The following ST3GAL5 variants were observed in gnomAD, a reference collection of about 807,000 sequenced individuals.
ST3GAL5 encodes the protein lactosylceramide alpha-2,3-sialyltransferase.
A neutral mutation model predicts 46.1 loss-of-function variants in ST3GAL5; 25 were observed. The observed-to-expected ratio is 0.54, with a 90% CI of 0.40 to 0.76. ST3GAL5 has a LOEUF of 0.76. Among genes scored for constraint, ST3GAL5 ranks in the 30% least tolerant of loss-of-function variants. The pLI is 0.00. For synonymous variants in ST3GAL5, 182 were observed against 192.7 expected, an observed-to-expected ratio of 0.94 and a Z score of 0.46; for missense variants, 431 against 521.2, an observed-to-expected ratio of 0.83 and a Z score of 1.69.
In ST3GAL5 at chr2:85,863,495, G is replaced by C. The variant is rs774128741; in HGVS notation, c.83-10C>G. 1 of 1,614,036 alleles carries C rather than the reference G, an allele frequency of 6.2e-7. No individual in the cohort carries two copies. Among genetic ancestry groups the C allele is most frequent in the African/African-American group, 1.3e-5 (1 of 74,918 alleles). ...TACTCACTTGGCATTGCTGTGAAGAGAGGCGAAGAGGGCAGTGGGGAAAAA... is the reference window on the plus strand; with the variant it reads ...TACTCACTTGGCATTGCTGTGAAGACAGGCGAAGAGGGCAGTGGGGAAAAA... On this transcript the variant is annotated splice_polypyrimidine_tract_variant and intron_variant, in intron 1 of 6. Coordinates refer to ENST00000638572, the MANE Select transcript of ST3GAL5 (RefSeq NM_003896.4).
At chr2:85,861,327 C>A in intron 2 of ST3GAL5, 35 bp from the exon 3 acceptor site, 1 of 1,340,546 alleles carries the variant, frequency 7.5e-7, no homozygotes, top group South Asian at 1.2e-5. Flanking sequence ...ATGATGTAGT[C>A]ATGTGAGAAT....
chr2:85,889,003 T>G, upstream of ST3GAL5: 3 of 941,808 alleles, frequency 3.2e-6, no homozygotes, highest in Non-Finnish European at 4.1e-6. Flanking sequence ...GGGCCGCCGC[T>G]CCCCCGCTCA....
At chr2:85,851,545 C>T in intron 3 of ST3GAL5, 1 of 1,289,354 alleles carries the variant, frequency 7.8e-7, no homozygotes, top group African/African-American at 1.5e-5. Context: ...GGTGCACAAC[C>T]AGACATCATT....
At chr2:85,867,734 C>T in intron 1 of ST3GAL5, 2 of 753,352 alleles carry the variant, frequency 2.7e-6, no homozygotes, top group Non-Finnish European at 5.0e-6. Context: ...ACATTGACAT[C>T]CAACCCTCAG....
intron 1 of ST3GAL5, among the ~76,000 whole-genome samples, chr2:85,875,848 C>T (rs1444134086): frequency 6.6e-6 from 1 of 152,030 alleles, no homozygotes; most frequent in East Asian, 1.9e-4. Flanking sequence ...CTCCTCTTTG[C>T]GAATTCTTAT....
intron 1 of ST3GAL5, chr2:85,867,583 G>C (rs771937979): frequency 2.6e-6 from 2 of 780,986 alleles, no homozygotes; most frequent in South Asian, 2.7e-5. Flanking sequence ...TTCTCAGAAA[G>C]AAACGTGTGA....
intron 1 of ST3GAL5, chr2:85,866,296 G>A (rs1336780744): frequency 6.6e-6 from 1 of 152,186 alleles, no homozygotes; most frequent in East Asian, 1.9e-4. Context: ...AGGTCAACCA[G>A]ACTTTCATTC....
rs1311405694 is a variant in ST3GAL5, at chr2:85,837,572, A to G, written c.*2572T>C. 8 of 152,250 alleles carry G rather than the reference A, an allele frequency of 5.3e-5. No homozygotes were observed. Among genetic ancestry groups the G allele is most frequent in the Non-Finnish European group, 1.2e-4 (8 of 68,024 alleles). The allele number at this position is 152,250 out of a possible 1,614,324, so 9.4% of individuals were successfully genotyped here. A position where few individuals can be genotyped will look rare whatever the true frequency, so the allele number is the denominator to read the frequency against. ...TTACTGTGTATTTCAAAATCACTAG[A>G]ATAATTCAAATGTTTCTACCATAAA... On this transcript the variant is annotated 3_prime_UTR_variant, in exon 7 of 7. Transcript: ENST00000638572.
At chr2:85,851,691 G>A (rs967182097) in intron 3 of ST3GAL5, 18 of 1,289,354 alleles carry the variant, frequency 1.4e-5, no homozygotes, top group Middle Eastern at 2.1e-4. Flanking sequence ...GGCGAGTGCC[G>A]CACCTTCAGG....
chr2:85,863,302 C>T (rs1684922864), intron 2 of ST3GAL5, 60 bp downstream of exon 2: 1 of 1,611,618 alleles, frequency 6.2e-7, no homozygotes, highest in Non-Finnish European at 8.5e-7. Context: ...GAATTTTTCT[C>T]CTAGTTCTAC....
At chr2:85,859,239 C>T (rs1573637171) in intron 3 of ST3GAL5, among the ~76,000 whole-genome samples, 1 of 152,154 alleles carries the variant, frequency 6.6e-6, no homozygotes, top group East Asian at 1.9e-4. Context: ...TGGTAATGGA[C>T]AGGAAAAAGA....
chr2:85,888,710 G>T, intron 1 of ST3GAL5, 114 bp downstream of exon 1: 1 of 815,662 alleles, frequency 1.2e-6, no homozygotes, highest in Non-Finnish European at 1.6e-6. Flanking sequence ...GGCGCTGCCC[G>T]CGGGGTTCGA....
At position 85,887,366 on chromosome 2, in the gene ST3GAL5, CCTCT is replaced by C. The variant is rs539343504; in HGVS notation, c.82+1454_82+1457del. 11 of 152,320 alleles carry C rather than the reference CCTCT, an allele frequency of 7.2e-5. No individual in the cohort carries two copies. In the East Asian group the frequency reaches 2.1e-3, roughly 29 times the overall value. 9.4% of individuals were successfully genotyped at this position (152,320 alleles called of 1,614,324 possible). A position where few individuals can be genotyped will look rare whatever the true frequency, so the allele number is the denominator to read the frequency against. Reference sequence around the variant, plus strand: ...GCTCTCAAAATTTCTGCCTGTCAGCCCTCTCTCTTCCATGAGCCCCTTCATGCCT... The same window carrying C: ...GCTCTCAAAATTTCTGCCTGTCAGCCCTCTTCCATGAGCCCCTTCATGCCT... On this transcript the variant is annotated intron_variant, in intron 1 of 6. Transcript: ENST00000638572.
chr2:85,840,521 A>G, intron 6 of ST3GAL5, 129 bp from the exon 7 acceptor site: 5 of 941,416 alleles, frequency 5.3e-6, no homozygotes, highest in Non-Finnish European at 8.3e-6. Context: ...TACATCACAT[A>G]ATTTTATACA....
chr2:85,865,420 G>A (rs1685191811), intron 1 of ST3GAL5, among the ~76,000 whole-genome samples: 1 of 151,684 alleles, frequency 6.6e-6, no homozygotes, highest in South Asian at 2.1e-4. Context: ...CTAATTCTGT[G>A]TAGCAAGAGT....
chr2:85,882,074 G>T (rs1163532418), intron 1 of ST3GAL5, among the ~76,000 whole-genome samples: 1 of 152,252 alleles, frequency 6.6e-6, no homozygotes, highest in Non-Finnish European at 1.5e-5. Context: ...TACAGCTTGG[G>T]CTGTGGCTTC....
intron 3 of ST3GAL5, among the ~76,000 whole-genome samples, chr2:85,859,938 T>C (rs1302689748): frequency 6.6e-6 from 1 of 152,138 alleles, no homozygotes; most frequent in Non-Finnish European, 1.5e-5. Flanking sequence ...GCTTTTAACT[T>C]TGGGCTTCTC....
At chr2:85,878,480 A>T (rs1166390660) in intron 1 of ST3GAL5, among the ~76,000 whole-genome samples, 9 of 152,182 alleles carry the variant, frequency 5.9e-5, no homozygotes, top group African/African-American at 2.2e-4. Context: ...CCCAGGAATG[A>T]TCTATAACTA....
intron 1 of ST3GAL5, among the ~76,000 whole-genome samples, chr2:85,874,732 A>ATT (rs1040703524): frequency 1.3e-5 from 2 of 151,772 alleles, no homozygotes; most frequent in African/African-American, 4.8e-5. Flanking sequence ...AGTACCTCGC[A>ATT]TATAAAAGGC....
Sources: allele counts gnomAD v4.1 joint callset (sites outside exome capture counted in the v4.1 genomes callset), GRCh38; gene constraint gnomAD v4.1.1; transcripts MANE v1.5; gene names NCBI Gene and HGNC (gene_info 2026-07-23, HGNC 2026-07-21).